LDLRAD3: variants seen among roughly 807,000 people sequenced by gnomAD.
The protein encoded by LDLRAD3 is low-density lipoprotein receptor class A domain-containing protein 3.
A neutral mutation model predicts 29.4 loss-of-function variants in LDLRAD3; 20 were observed. That is an observed-to-expected ratio of 0.68 (90% CI 0.48 to 0.99). The LOEUF is 0.99. Among genes scored for constraint, LDLRAD3 ranks in the 50% least tolerant of loss-of-function variants. LDLRAD3 has a pLI of 0.00. For synonymous variants in LDLRAD3, 157 were observed against 192.7 expected, an observed-to-expected ratio of 0.81 and a Z score of 1.53; for missense variants, 420 against 454.3, an observed-to-expected ratio of 0.92 and a Z score of 0.69.
rs779726880 is a variant in LDLRAD3 at position 36,080,728 on chromosome 11, CA to C, written c.194-921del. On this transcript the variant is annotated intron_variant, in intron 2 of 5. Coordinates refer to ENST00000315571, the MANE Select transcript of LDLRAD3 (RefSeq NM_174902.4). Reference sequence around the variant, plus strand: ...TTAATTACAGCAAAGGGATACAAAGCAAAATCAACACAGGTAAAAGACGAAT... The same window carrying C: ...TTAATTACAGCAAAGGGATACAAAGCAAATCAACACAGGTAAAAGACGAAT... Among the ~76,000 whole-genome samples, 53 of 152,100 alleles carry C rather than the reference CA, an allele frequency of 3.5e-4. 1 individual carries two copies. Among genetic ancestry groups the C allele is most frequent in the Admixed American group, 5.2e-4 (8 of 15,264 alleles).
At chr11:36,151,803 T>C (rs1461647662) in intron 4 of LDLRAD3, among the ~76,000 whole-genome samples, 1 of 152,130 alleles carries the variant, frequency 6.6e-6, no homozygotes, top group Non-Finnish European at 1.5e-5. Context: ...ATCAATAGAA[T>C]AAAAGGAAGG....
chr11:36,029,118 G>A (rs1274087335), intron 1 of LDLRAD3, among the ~76,000 whole-genome samples: 3 of 152,114 alleles, frequency 2.0e-5, no homozygotes, highest in African/African-American at 7.2e-5. Context: ...GGTGGTACAT[G>A]CCTGTAATCC....
At chr11:36,197,244 T>G (rs1373184822) in intron 4 of LDLRAD3, 3 of 151,950 alleles carry the variant, frequency 2.0e-5, no homozygotes, top group Admixed American at 2.0e-4. Context: ...CCCAGAGGAG[T>G]GATTTTGTAT....
At chr11:36,143,942 C>T (rs1434212197) in intron 4 of LDLRAD3, among the ~76,000 whole-genome samples, 1 of 124,702 alleles carries the variant, frequency 8.0e-6, no homozygotes, top group Non-Finnish European at 1.6e-5. Context: ...CTCCCCCTCC[C>T]CCTCCCTCTC....
At chr11:36,101,975 G>T (rs1165216254) in intron 4 of LDLRAD3, 2 of 229,258 alleles carry the variant, frequency 8.7e-6, no homozygotes. Context: ...TGCAAGCTCC[G>T]CCTCCCAGGT....
At chr11:36,225,314 G>T (rs1417132316) in intron 4 of LDLRAD3, among the ~76,000 whole-genome samples, 1 of 152,230 alleles carries the variant, frequency 6.6e-6, no homozygotes, top group African/African-American at 2.4e-5. Flanking sequence ...CATGACAGTA[G>T]GTAGTGGCAG....
chr11:36,000,351 T>G lies in LDLRAD3; in HGVS notation c.47-35752T>G, dbSNP rs142101591. 3.0e-3 allele frequency among the ~76,000 whole-genome samples: 455 copies of G among 151,040 alleles called. 1 individual carries two copies. The highest frequency in any genetic ancestry group is 5.3e-3 in the Non-Finnish European group (362 of 67,792). ...TGTCTGTACACACATACACACACAG[T>G]TGAAATGTATGTGGTAAAAGTAGAA... On this transcript the variant is annotated intron_variant, in intron 1 of 5. Coordinates refer to ENST00000315571, the MANE Select transcript of LDLRAD3 (RefSeq NM_174902.4).
chr11:36,092,291 T>A (rs1160676847), intron 3 of LDLRAD3, among the ~76,000 whole-genome samples: 1 of 152,202 alleles, frequency 6.6e-6, no homozygotes, highest in Non-Finnish European at 1.5e-5. Context: ...GAATTCTTTT[T>A]AAAATATTTT....
At chr11:36,137,139 A>G (rs754898380) in intron 4 of LDLRAD3, among the ~76,000 whole-genome samples, 2 of 152,236 alleles carry the variant, frequency 1.3e-5, no homozygotes, top group African/African-American at 4.8e-5. Context: ...TCCATGGAAC[A>G]TAACGCAGCC....
At position 36,099,487 on chromosome 11, in the gene LDLRAD3, ATTGT is replaced by A. The variant is rs372152725; in HGVS notation, c.454+1031_454+1034del. Among the ~76,000 whole-genome samples the A allele has an allele frequency of 4.6e-3, 693 of 152,096 alleles. 3 individuals are homozygous for A. Among genetic ancestry groups the A allele is most frequent in the Middle Eastern group, 0.01 (3 of 294 alleles). On this transcript the variant is annotated intron_variant, in intron 4 of 5. Transcript: ENST00000315571. ...TCACCTGTATTGTTTGTTGTTGGAG[ATTGT>A]TTGTCTTGACTTATGTTCAGTGTTC... is the stretch of plus-strand genomic sequence containing the variant.
rs556302779 is a variant in LDLRAD3, at chr11:36,127,919, G to T, written c.454+29458G>T. Among the ~76,000 whole-genome samples the T allele has an allele frequency of 1.4e-4, 21 of 151,624 alleles. No homozygotes were observed. The South Asian group carries it at 3.6e-3, about 26-fold the overall frequency. On this transcript the variant is annotated intron_variant, in intron 4 of 5. Transcript: ENST00000315571. ...TGCCTTTACTTTCCCTGGGTCAAAG[G>T]TCCACCAGTTGAGGTGTTTTAATGC...
intron 4 of LDLRAD3, among the ~76,000 whole-genome samples, chr11:36,174,011 CAG>C (rs1299812699): frequency 6.6e-6 from 1 of 152,178 alleles, no homozygotes. Context: ...GGTACCAAAA[CAG>C]AGATACAGAC....
At chr11:36,061,169 C>A (rs528380126) in intron 2 of LDLRAD3, among the ~76,000 whole-genome samples, 10 of 152,064 alleles carry the variant, frequency 6.6e-5, no homozygotes, top group Non-Finnish European at 1.0e-4. Context: ...GACAGAGTCT[C>A]GCTCTGTTGC....
At chr11:36,010,183 A>C (rs770990564) in intron 1 of LDLRAD3, 1 of 154,416 alleles carries the variant, frequency 6.5e-6, no homozygotes, top group Admixed American at 6.5e-5. Context: ...AAATGCAAAC[A>C]AAGTACAGCA....
intron 4 of LDLRAD3, among the ~76,000 whole-genome samples, chr11:36,191,588 A>C (rs1239622056): frequency 1.4e-4 from 14 of 99,910 alleles, no homozygotes; most frequent in South Asian, 7.8e-4. Flanking sequence ...ATATATATAT[A>C]TATATATATA....
chr11:36,196,055 C>T (rs1287855425), intron 4 of LDLRAD3, among the ~76,000 whole-genome samples: 1 of 150,750 alleles, frequency 6.6e-6, no homozygotes, highest in Non-Finnish European at 1.5e-5. Flanking sequence ...CATACCCCAT[C>T]CAAAAAGCTG....
At chr11:36,069,262 C>T (rs1209585156) in intron 2 of LDLRAD3, among the ~76,000 whole-genome samples, 1 of 152,202 alleles carries the variant, frequency 6.6e-6, no homozygotes, top group Non-Finnish European at 1.5e-5. Context: ...GTTTAGCCCC[C>T]AGATTTCCTG....
intron 4 of LDLRAD3, among the ~76,000 whole-genome samples, chr11:36,125,322 G>A (rs1324258968): frequency 1.3e-5 from 2 of 152,116 alleles, no homozygotes; most frequent in Admixed American, 6.5e-5. Flanking sequence ...ACTTATTGTC[G>A]ACTATGTGAC....
chr11:35,979,077 G>A (rs920159870), intron 1 of LDLRAD3, among the ~76,000 whole-genome samples: 1 of 152,136 alleles, frequency 6.6e-6, no homozygotes, highest in Admixed American at 6.5e-5. Flanking sequence ...CGGATCTGAG[G>A]TGTCTGCCTA....
Sources: gnomAD v4.1 joint callset for allele counts (sites outside exome capture counted in the v4.1 genomes callset) on GRCh38, gnomAD v4.1.1 for gene constraint, MANE v1.5 for transcripts, NCBI Gene and HGNC (gene_info 2026-07-23, HGNC 2026-07-21) for gene names.